The following ANKRD22 variants were observed in gnomAD, a reference collection of about 807,000 sequenced individuals.
ANKRD22 encodes ankyrin repeat domain-containing protein 22.
ANKRD22 carries 24 observed loss-of-function variants against 25.7 expected under a neutral mutation model. The ratio of observed to expected loss-of-function variants is 0.93; its 90% CI spans 0.68 to 1.31. ANKRD22 has a LOEUF of 1.31. Ranked by LOEUF, ANKRD22 falls within the 50% of genes most tolerant of loss-of-function variation. The probability of loss-of-function intolerance (pLI) is 0.00; values close to 1 mark genes in which losing one functional copy is unlikely to be tolerated. For synonymous variants in ANKRD22, 84 were observed against 84.3 expected, an observed-to-expected ratio of 1.00 and a Z score of 0.02; for missense variants, 214 against 227.1, an observed-to-expected ratio of 0.94 and a Z score of 0.37.
chr10:88,846,201 A>C (rs76855263), intron 1 of ANKRD22, among the ~76,000 whole-genome samples: 6,292 of 152,022 alleles, frequency 0.041, 252 homozygotes, highest in East Asian at 0.17. Context: ...TATTTATAAT[A>C]CTTACTGAAC....
At chr10:88,838,859 T>G (rs1313712549) in intron 1 of ANKRD22, among the ~76,000 whole-genome samples, 4 of 152,110 alleles carry the variant, frequency 2.6e-5, no homozygotes, top group Admixed American at 2.6e-4. Context: ...AAGCCAGATT[T>G]CAGTGAAGGC....
intron 1 of ANKRD22, among the ~76,000 whole-genome samples, chr10:88,837,225 T>C (rs1182910375): frequency 6.6e-6 from 1 of 152,236 alleles, no homozygotes; most frequent in East Asian, 1.9e-4. Context: ...CTCTTCATGC[T>C]AAGTTTCCTT....
intron 1 of ANKRD22, among the ~76,000 whole-genome samples, chr10:88,835,761 A>C (rs960029277): frequency 6.6e-6 from 1 of 152,198 alleles, no homozygotes; most frequent in African/African-American, 2.4e-5. Context: ...GAGTCGCACT[A>C]ACGCTGAAGA....
intron 1 of ANKRD22, among the ~76,000 whole-genome samples, chr10:88,842,450 T>C (rs948795902): frequency 1.2e-4 from 18 of 152,254 alleles, no homozygotes; most frequent in African/African-American, 4.3e-4. Context: ...TAATTTATAA[T>C]AAACTCTACC....
At chr10:88,847,350 C>G (rs1844058721) in intron 1 of ANKRD22, among the ~76,000 whole-genome samples, 1 of 152,090 alleles carries the variant, frequency 6.6e-6, no homozygotes, top group Admixed American at 6.6e-5. Flanking sequence ...CCTCTGCCTC[C>G]CAGGTTCAAG....
At chr10:88,842,526 A>T (rs934647135) in intron 1 of ANKRD22, among the ~76,000 whole-genome samples, 4 of 152,268 alleles carry the variant, frequency 2.6e-5, no homozygotes, top group Admixed American at 6.5e-5. Context: ...ACAGACTTTG[A>T]GATCTCAATA....
intron 1 of ANKRD22, among the ~76,000 whole-genome samples, chr10:88,840,258 C>T (rs992420443): frequency 2.0e-5 from 3 of 152,132 alleles, no homozygotes; most frequent in South Asian, 4.1e-4. Flanking sequence ...TAGAATATGA[C>T]GCATCCGGTA....
At chr10:88,825,007 T>A (rs199783470) in intron 4 of ANKRD22, among the ~76,000 whole-genome samples, 20,754 of 114,498 alleles carry the variant, frequency 0.18, 1,910 homozygotes, top group African/African-American at 0.3. Context: ...TCTCTCTCTC[T>A]CTCTCACACA....
intron 1 of ANKRD22, among the ~76,000 whole-genome samples, chr10:88,834,908 G>A (rs756206869): frequency 5.3e-5 from 8 of 151,926 alleles, no homozygotes; most frequent in African/African-American, 9.7e-5. Flanking sequence ...CAGCCTGGGC[G>A]ACACAGCGAA....
chr10:88,831,953 G>C lies in ANKRD22; in HGVS notation c.95C>G (p.Ala32Gly), dbSNP rs146755980. 39 of 1,613,766 alleles carry C rather than the reference G, an allele frequency of 2.4e-5. No homozygotes were observed. In the African/African-American group the frequency reaches 4.7e-4, roughly 19 times the overall value. The change falls in exon 2 of 6, where the codon GCC becomes GGC. Residue 32 changes from alanine (A) to glycine (G), a missense_variant. Transcript: ENST00000371930. ...TCCATTAAAGCCATCTTGAACGTTGGCATAGCTGCTGTCTTCTTTCACCCA... is the reference window on the plus strand; with the variant it reads ...TCCATTAAAGCCATCTTGAACGTTGCCATAGCTGCTGTCTTCTTTCACCCA... ...WRWVKEDSSY[A>G]NVQDGFNGDT...
At chr10:88,838,182 C>A (rs1266716900) in intron 1 of ANKRD22, among the ~76,000 whole-genome samples, 1 of 152,030 alleles carries the variant, frequency 6.6e-6, no homozygotes. Context: ...CTTTGAAAAC[C>A]AGGTTGTAGA....
At chr10:88,845,517 G>C in intron 1 of ANKRD22, among the ~76,000 whole-genome samples, 1 of 152,098 alleles carries the variant, frequency 6.6e-6, no homozygotes, top group South Asian at 2.1e-4. Flanking sequence ...TGTCCAAATA[G>C]AACCCTGAAA....
intron 1 of ANKRD22, among the ~76,000 whole-genome samples, chr10:88,832,377 G>GACAAA (rs1843913058): frequency 6.6e-6 from 1 of 151,708 alleles, no homozygotes; most frequent in South Asian, 2.1e-4. Context: ...CTTTACTAAA[G>GACAAA]ATAAAATACC....
Position 88,820,454 on chromosome 10 carries a change from C to T in ANKRD22, c.*2487G>A, listed in dbSNP as rs1360272962. ...CAATGAAATCATCCATCTGATGCAGCAGGAGGAGACCAACCTTTCCCAGGG... is the reference window on the plus strand; with the variant it reads ...CAATGAAATCATCCATCTGATGCAGTAGGAGGAGACCAACCTTTCCCAGGG... On this transcript the variant is annotated 3_prime_UTR_variant, in exon 6 of 6. Coordinates refer to ENST00000371930, the MANE Select transcript of ANKRD22 (RefSeq NM_144590.3). The T allele has an allele frequency of 3.2e-6, 5 of 1,551,808 alleles. No homozygotes were observed. In the East Asian group the frequency reaches 1.2e-4, roughly 38 times the overall value.
At chr10:88,842,020 T>G (rs190602719) in intron 1 of ANKRD22, among the ~76,000 whole-genome samples, 1 of 152,154 alleles carries the variant, frequency 6.6e-6, no homozygotes, top group Admixed American at 6.6e-5. Flanking sequence ...TGTCTTATTC[T>G]TAACGTAGAA....
At position 88,822,544 on chromosome 10, in the gene ANKRD22, C is replaced by CTGCTTT. The variant is rs1554832256; in HGVS notation, c.*396_*397insAAAGCA. 2.5e-4 allele frequency: 9 copies of CTGCTTT among 36,446 alleles called. 1 individual carries two copies. Among genetic ancestry groups the CTGCTTT allele is most frequent in the Non-Finnish European group, 5.3e-4 (9 of 17,016 alleles). The allele number at this position is 36,446 out of a possible 1,614,324, so 2.3% of individuals were successfully genotyped here. A position where few individuals can be genotyped will look rare whatever the true frequency, so the allele number is the denominator to read the frequency against. On this transcript the variant is annotated 3_prime_UTR_variant, in exon 6 of 6. Coordinates refer to ENST00000371930, the MANE Select transcript of ANKRD22 (RefSeq NM_144590.3). ...AAAGACTGAGTTTGGAACACCAGGG[C>CTGCTTT]TTTTTTTTTTTTTTTTTTTTTTGAG... is the stretch of plus-strand genomic sequence containing the variant.
Position 88,822,395 on chromosome 10 carries a change from G to C in ANKRD22, c.*546C>G, listed in dbSNP as rs41296123. 4 of 152,250 alleles carry C rather than the reference G, an allele frequency of 2.6e-5. No individual in the cohort carries two copies. Among genetic ancestry groups the C allele is most frequent in the Middle Eastern group, 3.4e-3 (1 of 294 alleles). 9.4% of individuals were successfully genotyped at this position (152,250 alleles called of 1,614,324 possible). On this transcript the variant is annotated 3_prime_UTR_variant, in exon 6 of 6. Transcript: ENST00000371930. ...TGATTCTTCTGCTCAATACTCAAAG[G>C]GGGCTGGGAGGAACAGTTTGTCTCC...
intron 4 of ANKRD22, among the ~76,000 whole-genome samples, chr10:88,825,005 T>TCACACA (rs1483035899): frequency 2.5e-3 from 231 of 92,332 alleles, no homozygotes; most frequent in Middle Eastern, 6.4e-3. Context: ...TCTCTCTCTC[T>TCACACA]CTCTCTCACA....
chr10:88,825,968 G>A lies in ANKRD22; in HGVS notation c.399+70C>T, dbSNP rs933550485. ...TCTAGGAAAATAAAGCAACTGTACA[G>A]ATGACAAATACGCTACCTACAAATA... On this transcript the variant is annotated intron_variant, in intron 4 of 5. Coordinates refer to ENST00000371930, the MANE Select transcript of ANKRD22 (RefSeq NM_144590.3). The A allele has an allele frequency of 5.4e-6, 7 of 1,290,542 alleles. No individual in the cohort carries two copies. The South Asian group carries it at 6.4e-5, about 12-fold the overall frequency. 79.9% of individuals were successfully genotyped at this position (1,290,542 alleles called of 1,614,324 possible).
Sources: gnomAD v4.1 joint callset for allele counts (sites outside exome capture counted in the v4.1 genomes callset) on GRCh38, gnomAD v4.1.1 for gene constraint, MANE v1.5 for transcripts, NCBI Gene and HGNC (gene_info 2026-07-23, HGNC 2026-07-21) for gene names.